Variants in CEP170 observed in about 807,000 individuals in gnomAD.
CEP170 encodes centrosomal protein 170, also known as centrosomal protein of 170 kDa.
A neutral mutation model predicts 151.9 loss-of-function variants in CEP170; 21 were observed. The ratio of observed to expected loss-of-function variants is 0.14; its 90% CI spans 0.10 to 0.20. The LOEUF (loss-of-function observed/expected upper bound fraction) is 0.20, where lower values mean the gene tolerates loss of function less well. CEP170 is among the 10% of genes least tolerant of loss of function. The pLI is 1.00. For missense variants in CEP170, 964 were observed against 1,892.9 expected (o/e 0.51, Z 9.11); for synonymous variants, 356 against 648.8 (o/e 0.55, Z 6.86).
At chr1:243,142,796 A>C (rs1323761743) in intron 14 of CEP170, among the ~76,000 whole-genome samples, 1 of 152,226 alleles carries the variant, frequency 6.6e-6, no homozygotes, top group Non-Finnish European at 1.5e-5. Context: ...ATAGAATTCA[A>C]GCAGTTCATG....
chr1:243,249,438 T>C (rs562818128), intron 1 of CEP170, among the ~76,000 whole-genome samples: 52 of 151,328 alleles, frequency 3.4e-4, no homozygotes, highest in African/African-American at 1.2e-3. Flanking sequence ...AATAAATAAA[T>C]AAATAAATAA....
chr1:243,131,932 C>G lies in CEP170; in HGVS notation c.4320-2479G>C, dbSNP rs143908932. Among the ~76,000 whole-genome samples the G allele has an allele frequency of 8.8e-3, 1,342 of 152,336 alleles. 17 individuals are homozygous for G. The highest frequency in any genetic ancestry group is 0.031 in the African/African-American group (1,294 of 41,566). The stretch of plus-strand genomic sequence containing the variant: ...TATTCTATGAGCCATAACCAATTCC[C>G]TAGTACTAGCCCTTAAAACATGCGA... On this transcript the variant is annotated intron_variant, in intron 17 of 19. Transcript: ENST00000366542.
At chr1:243,230,728 CAAAT>C (rs2063672614) in intron 1 of CEP170, among the ~76,000 whole-genome samples, 1 of 152,032 alleles carries the variant, frequency 6.6e-6, no homozygotes, top group East Asian at 1.9e-4. Flanking sequence ...AGCAGAAAAA[CAAAT>C]GAAGTAAAAT....
intron 14 of CEP170, among the ~76,000 whole-genome samples, chr1:243,145,884 G>A (rs1182640136): frequency 2.6e-5 from 4 of 152,162 alleles, no homozygotes; most frequent in Non-Finnish European, 4.4e-5. Flanking sequence ...TGAGTTTAAG[G>A]AGAGACATTT....
intron 13 of CEP170, among the ~76,000 whole-genome samples, chr1:243,157,842 C>T (rs889914164): frequency 9.9e-5 from 15 of 152,128 alleles, no homozygotes; most frequent in Admixed American, 3.3e-4. Flanking sequence ...CCTATCGATT[C>T]GTCCTTATTC....
upstream of CEP170, among the ~76,000 whole-genome samples, chr1:243,255,523 G>T (rs1453832167): frequency 6.6e-6 from 1 of 152,250 alleles, no homozygotes; most frequent in Non-Finnish European, 1.5e-5. Context: ...AACTCCAAGT[G>T]AAGGTCCGGT....
chr1:243,226,053 A>ACACACGTATATATATCTATC lies in CEP170; in HGVS notation c.-41-733_-41-732insGATAGATATATATACGTGTG, dbSNP rs1558645346. 9.7e-4 allele frequency among the ~76,000 whole-genome samples: 13 copies of ACACACGTATATATATCTATC among 13,408 alleles called. No homozygotes were observed. In the Non-Finnish European group the frequency reaches 0.018, roughly 19 times the overall value. The allele number at this position is 13,408 out of a possible 152,430, so 8.8% of individuals were successfully genotyped here. ...TATATATCTATCTCTAGATATATAT[A>ACACACGTATATATATCTATC]TCTAGATATATATATCTATATCTAG... is the stretch of plus-strand genomic sequence containing the variant. On this transcript the variant is annotated intron_variant, in intron 1 of 19. Coordinates refer to ENST00000366542, the MANE Select transcript of CEP170 (RefSeq NM_014812.3).
intron 1 of CEP170, among the ~76,000 whole-genome samples, chr1:243,232,902 A>G (rs1160500804): frequency 6.6e-6 from 1 of 152,176 alleles, no homozygotes; most frequent in Non-Finnish European, 1.5e-5. Context: ...GCCTACCCCA[A>G]TGTTTCATCT....
chr1:243,214,657 T>C (rs922153304), intron 3 of CEP170, among the ~76,000 whole-genome samples: 11 of 151,900 alleles, frequency 7.2e-5, no homozygotes, highest in Non-Finnish European at 1.5e-4. Context: ...TAGAATTAAC[T>C]AAAGACATAC....
At chr1:243,134,204 C>T (rs1263793857) in intron 17 of CEP170, among the ~76,000 whole-genome samples, 3 of 152,056 alleles carry the variant, frequency 2.0e-5, no homozygotes, top group African/African-American at 4.8e-5. Flanking sequence ...TACAAGCTGA[C>T]TGGTTTACAT....
In CEP170 at chr1:243,182,736, A is replaced by T. The variant is rs555227092; in HGVS notation, c.1566+3043T>A. Among the ~76,000 whole-genome samples the T allele has an allele frequency of 3.6e-3, 555 of 152,268 alleles. 5 individuals are homozygous for T. The highest frequency in any genetic ancestry group is 3.4e-3 in the Non-Finnish European group (233 of 68,010). ...AATAGGCTGTTCCATATTTCTGGAA[A>T]ACTCTACCTAGCATGCCTGTTATGG... On this transcript the variant is annotated intron_variant, in intron 10 of 19. Transcript: ENST00000366542.
intron 14 of CEP170, among the ~76,000 whole-genome samples, chr1:243,151,490 T>C (rs1158897152): frequency 1.3e-5 from 2 of 151,704 alleles, no homozygotes; most frequent in Non-Finnish European, 2.9e-5. Context: ...GTGGTCTGGA[T>C]AGAAGATCAA....
chr1:243,219,008 C>A (rs547619084), intron 3 of CEP170, among the ~76,000 whole-genome samples: 1 of 152,022 alleles, frequency 6.6e-6, no homozygotes, highest in Non-Finnish European at 1.5e-5. Flanking sequence ...AAATAGGCTG[C>A]GAATAATAGT....
chr1:243,245,942 T>C (rs1464396117), intron 1 of CEP170, among the ~76,000 whole-genome samples: 2 of 148,560 alleles, frequency 1.3e-5, no homozygotes, highest in Non-Finnish European at 3.0e-5. Flanking sequence ...CGGGACCTCG[T>C]CTCAAAAAAA....
At chr1:243,134,173 T>G (rs926016785) in intron 17 of CEP170, among the ~76,000 whole-genome samples, 5 of 152,178 alleles carry the variant, frequency 3.3e-5, no homozygotes, top group Non-Finnish European at 5.9e-5. Context: ...CATGTGTAGA[T>G]AGCAGAAATA....
chr1:243,209,300 C>T (rs1210053900), intron 4 of CEP170, among the ~76,000 whole-genome samples: 2 of 151,966 alleles, frequency 1.3e-5, no homozygotes, highest in East Asian at 2.0e-4. Context: ...TTCTCCCTGC[C>T]TCAGCCTCCT....
chr1:243,182,186 A>G (rs577712800), intron 10 of CEP170, among the ~76,000 whole-genome samples: 17 of 151,872 alleles, frequency 1.1e-4, no homozygotes, highest in African/African-American at 3.9e-4. Flanking sequence ...GCCTTTTTGC[A>G]TATGTCCACT....
chr1:243,178,148 G>A (rs1572062685), intron 10 of CEP170, among the ~76,000 whole-genome samples: 1 of 151,764 alleles, frequency 6.6e-6, no homozygotes, highest in African/African-American at 2.4e-5. Flanking sequence ...GGCCAACATG[G>A]CAAAACCCCA....
chr1:243,231,153 GCAT>G (rs74162260), intron 1 of CEP170, among the ~76,000 whole-genome samples: 31,650 of 141,902 alleles, frequency 0.22, 3,666 homozygotes, highest in South Asian at 0.38. Context: ...TATCTTTCAA[GCAT>G]CATCATCATC....
Sources: gnomAD v4.1 joint callset for allele counts (sites outside exome capture counted in the v4.1 genomes callset) on GRCh38, gnomAD v4.1.1 for gene constraint, MANE v1.5 for transcripts, NCBI Gene and HGNC (gene_info 2026-07-23, HGNC 2026-07-21) for gene names.